Variants in PTGFRN observed in about 807,000 individuals in gnomAD.
The protein encoded by PTGFRN is prostaglandin F2 receptor negative regulator.
In PTGFRN, 35 loss-of-function variants were observed where a neutral mutation model predicts 83.2. The ratio of observed to expected loss-of-function variants is 0.42; its 90% CI spans 0.32 to 0.56. PTGFRN has a LOEUF of 0.56. Among genes scored for constraint, PTGFRN ranks in the 20% least tolerant of loss-of-function variants. The pLI, the probability that PTGFRN is intolerant of heterozygous loss-of-function variation, is 0.11. For missense variants in PTGFRN, 1,051 were observed against 1,179.5 expected (o/e 0.89, Z 1.60); for synonymous variants, 519 against 498.6 (o/e 1.04, Z -0.55).
chr1:116,926,418 C>T (rs528890825), intron 1 of PTGFRN, among the ~76,000 whole-genome samples: 7 of 152,108 alleles, frequency 4.6e-5, no homozygotes, highest in Admixed American at 6.5e-5. Context: ...TTATAGAATG[C>T]GCTAAAATAA....
rs963280850 is a variant in PTGFRN, at chr1:116,952,268, T to G, written c.1213+2696T>G. Among the ~76,000 whole-genome samples the G allele has an allele frequency of 6.6e-6, 1 of 152,150 alleles. No homozygotes were observed. Among genetic ancestry groups the G allele is most frequent in the African/African-American group, 2.4e-5 (1 of 41,420 alleles). ...CTTGTCTTCATTTGCTTGGGGCTTG[T>G]GTACTGAGCTAGGTGAGGGGATTGA... On this transcript the variant is annotated intron_variant, in intron 4 of 8. Coordinates refer to ENST00000393203, the MANE Select transcript of PTGFRN (RefSeq NM_020440.4). This position sits in a 1 kb window ranked among gnomAD's most constrained non-coding sequence, Gnocchi z 4.0.
intron 1 of PTGFRN, among the ~76,000 whole-genome samples, chr1:116,940,954 T>G (rs1466930726): frequency 6.6e-6 from 1 of 152,148 alleles, no homozygotes; most frequent in Admixed American, 6.5e-5. Context: ...GGCTGGGAAT[T>G]GCACACTCTT....
At chr1:116,931,184 T>C (rs1176511404) in intron 1 of PTGFRN, among the ~76,000 whole-genome samples, 1 of 152,222 alleles carries the variant, frequency 6.6e-6, no homozygotes. Flanking sequence ...CACTTTGGAT[T>C]TTGGATTTTC....
Position 116,984,788 on chromosome 1 carries a change from G to A in PTGFRN, c.2276G>A (p.Arg759Gln), listed in dbSNP as rs749277579. 1.4e-5 allele frequency: 23 copies of A among 1,613,946 alleles called. No homozygotes were observed. Among genetic ancestry groups the A allele is most frequent in the African/African-American group, 5.3e-5 (4 of 74,894 alleles). ...CGGAAGGGCATCGTGACCACCTCCC[G>A]GAGGGACTGGAAGAGCGACCTCAGC... ...LDRKGIVTTS[R>Q]RDWKSDLSLE... Residue 759 changes from arginine (R) to glutamine (Q), a missense_variant, in exon 8 of 9, where the codon CGG becomes CAG. By Grantham distance (43) the Arg-to-Gln change is conservative. This residue lies in a region of PTGFRN where 719 missense variants were observed against 836.6 expected (regional missense o/e 0.86). Transcript: ENST00000393203.
At chr1:116,942,197 T>C in intron 2 of PTGFRN, 114 bp downstream of exon 2, 1 of 1,325,786 alleles carries the variant, frequency 7.5e-7, no homozygotes, top group Non-Finnish European at 1.0e-6. Flanking sequence ...CCCTCCTCTG[T>C]CCAGGGGAAT....
chr1:116,940,391 G>T (rs978097830), intron 1 of PTGFRN, among the ~76,000 whole-genome samples: 2 of 152,158 alleles, frequency 1.3e-5, no homozygotes, highest in African/African-American at 4.8e-5. Context: ...GGGCATGTGT[G>T]TGTCCAAATT....
At chr1:116,942,548 G>A (rs1290008183) in intron 2 of PTGFRN, among the ~76,000 whole-genome samples, 1 of 152,170 alleles carries the variant, frequency 6.6e-6, no homozygotes, top group African/African-American at 2.4e-5. Context: ...TGCCATGTAA[G>A]CATTCAGTGG....
Position 116,948,520 on chromosome 1 carries a change from A to G in PTGFRN, c.833-672A>G, listed in dbSNP as rs185607429. Among the ~76,000 whole-genome samples the G allele has an allele frequency of 3.4e-3, 525 of 152,322 alleles. 3 individuals are homozygous for G. Among genetic ancestry groups the G allele is most frequent in the Admixed American group, 8.2e-3 (125 of 15,304 alleles). ...CAGTACATTACATTTTGAAGACTTGACTCAAGGAAAATTGTCTGGTTTCAC... is the reference window on the plus strand; with the variant it reads ...CAGTACATTACATTTTGAAGACTTGGCTCAAGGAAAATTGTCTGGTTTCAC... On this transcript the variant is annotated intron_variant, in intron 3 of 8. Transcript: ENST00000393203.
chr1:116,959,976 CAAA>C (rs1036879570), intron 4 of PTGFRN, among the ~76,000 whole-genome samples: 2 of 151,158 alleles, frequency 1.3e-5, no homozygotes, highest in African/African-American at 2.4e-5. Context: ...AAAAAAAAAA[CAAA>C]AGAAGAAGAA....
intron 6 of PTGFRN, among the ~76,000 whole-genome samples, chr1:116,970,302 A>G (rs1650957106): frequency 1.3e-5 from 2 of 151,498 alleles, no homozygotes; most frequent in South Asian, 4.2e-4. Context: ...TTCCATTCTT[A>G]GTTTTTTTTT....
chr1:116,960,241 A>G (rs1366156583), intron 4 of PTGFRN, among the ~76,000 whole-genome samples: 1 of 152,206 alleles, frequency 6.6e-6, no homozygotes. Flanking sequence ...ATCTCACATC[A>G]TCACAGTGGC....
chr1:116,980,454 C>G (rs1331164388), intron 7 of PTGFRN, among the ~76,000 whole-genome samples: 2 of 152,134 alleles, frequency 1.3e-5, no homozygotes, highest in Non-Finnish European at 2.9e-5. Context: ...TGGAACCAAC[C>G]CAAATGTCCA....
chr1:116,933,445 T>C (rs1358656807), intron 1 of PTGFRN, among the ~76,000 whole-genome samples: 1 of 152,186 alleles, frequency 6.6e-6, no homozygotes, highest in Non-Finnish European at 1.5e-5. Flanking sequence ...TTTAATTATG[T>C]ATATATTTTG....
At chr1:116,929,466 A>AG (rs1649739809) in intron 1 of PTGFRN, among the ~76,000 whole-genome samples, 8 of 152,216 alleles carry the variant, frequency 5.3e-5, no homozygotes, top group Admixed American at 5.2e-4. Flanking sequence ...ACCAGAATCC[A>AG]GGGCCCCTGC....
intron 2 of PTGFRN, 47 bp downstream of exon 2, chr1:116,942,130 C>G: frequency 6.4e-7 from 1 of 1,561,532 alleles, no homozygotes; most frequent in South Asian, 1.2e-5. Flanking sequence ...AGACCTTTCT[C>G]TGCCCCTGGG....
Position 116,944,746 on chromosome 1 carries a change from G to T in PTGFRN, c.486G>T (p.Gly162=). Residue 162 remains glycine, a synonymous_variant, in exon 3 of 9, where the codon GGG becomes GGT. Transcript: ENST00000393203. ...RPPPSLSLRE[G]EPFELRCTAA... Reference sequence around the variant, plus strand: ...CGCCGAGCCTGAGCCTGCGGGAGGGGGAGCCCTTCGAGCTGCGCTGCACCG... The same window carrying T: ...CGCCGAGCCTGAGCCTGCGGGAGGGTGAGCCCTTCGAGCTGCGCTGCACCG... 6.7e-7 allele frequency: 1 copy of T among 1,489,390 alleles called. No homozygotes were observed. Among genetic ancestry groups the T allele is most frequent in the South Asian group, 1.3e-5 (1 of 74,106 alleles). The allele number at this position is 1,489,390 out of a possible 1,614,324, so 92.3% of individuals were successfully genotyped here.
At chr1:116,954,825 A>T (rs150908113) in intron 4 of PTGFRN, among the ~76,000 whole-genome samples, 221 of 152,390 alleles carry the variant, frequency 1.5e-3, no homozygotes, top group African/African-American at 4.9e-3. Flanking sequence ...GGAAATGTAC[A>T]TGAAAATAGT....
intron 7 of PTGFRN, among the ~76,000 whole-genome samples, chr1:116,977,644 A>G (rs12759516): frequency 1.2e-4 from 19 of 152,172 alleles, no homozygotes; most frequent in African/African-American, 4.1e-4. Context: ...TGAAATGAAG[A>G]CAGAAATAAA....
In PTGFRN at chr1:116,923,184, T is replaced by A. The variant is rs189227739; in HGVS notation, c.49+12932T>A. Among the ~76,000 whole-genome samples, 1 of 152,328 alleles carries A rather than the reference T, an allele frequency of 6.6e-6. No homozygotes were observed. The highest frequency in any genetic ancestry group is 1.5e-5 in the Non-Finnish European group (1 of 68,036). On this transcript the variant is annotated intron_variant, in intron 1 of 8. Coordinates refer to ENST00000393203, the MANE Select transcript of PTGFRN (RefSeq NM_020440.4). This position sits in a 1 kb window ranked among gnomAD's most constrained non-coding sequence, Gnocchi z 4.0. Reference sequence around the variant, plus strand: ...TTGCTTACCCCAGCATGTAGGAACTTGAATCTTTGAATAATTGAATTAATG... The same window carrying A: ...TTGCTTACCCCAGCATGTAGGAACTAGAATCTTTGAATAATTGAATTAATG...
Sources: allele counts gnomAD v4.1 joint callset (sites outside exome capture counted in the v4.1 genomes callset), GRCh38; gene constraint gnomAD v4.1.1; regional missense constraint gnomAD v4.1.1; non-coding constraint Gnocchi (gnomAD v3.1); transcripts MANE v1.5; gene names NCBI Gene and HGNC (gene_info 2026-07-23, HGNC 2026-07-21).